The following DPP4 variants were observed in gnomAD, a reference collection of about 807,000 sequenced individuals.
DPP4 encodes the protein dipeptidyl peptidase 4.
A neutral mutation model predicts 122.4 loss-of-function variants in DPP4; 93 were observed. That is an observed-to-expected ratio of 0.76 (90% CI 0.64 to 0.90). The LOEUF (loss-of-function observed/expected upper bound fraction) is 0.90. Among genes scored for constraint, DPP4 ranks in the 40% least tolerant of loss-of-function variants. The pLI, the probability that DPP4 is intolerant of heterozygous loss-of-function variation, is 0.00. For missense variants in DPP4, 914 were observed against 907.3 expected (o/e 1.01, Z -0.09); for synonymous variants, 321 against 302.9 (o/e 1.06, Z -0.62).
Position 161,995,313 on chromosome 2 carries a change from A to G in DPP4, c.2112T>C (p.His704=), listed in dbSNP as rs926037556. The G allele has an allele frequency of 1.2e-6, 2 of 1,613,886 alleles. No homozygotes were observed. The highest frequency in any genetic ancestry group is 1.7e-6 in the Non-Finnish European group (2 of 1,179,876). Residue 704 remains histidine (H), a synonymous_variant, in exon 24 of 26, where the codon CAT becomes CAC. Coordinates refer to ENST00000360534, the MANE Select transcript of DPP4 (RefSeq NM_001935.4). ...NFKQVEYLLI[H]GTADDNVHFQ... ...ACTGAAACTCACCATCTGCTGTTCC[A>G]TGAATAAGGAGGTACTCAACTTGTT...
In DPP4 at chr2:161,995,464, T is replaced by C; in HGVS notation, c.2053-92A>G. ...GTTTACAAAATAAAATGTTTTCAGCTGGGGCCCCCTTTGATACAAAATATA... is the reference window on the plus strand; with the variant it reads ...GTTTACAAAATAAAATGTTTTCAGCCGGGGCCCCCTTTGATACAAAATATA... On this transcript the variant is annotated intron_variant, in intron 23 of 25. Coordinates refer to ENST00000360534, the MANE Select transcript of DPP4 (RefSeq NM_001935.4). The C allele has an allele frequency of 3.3e-6, 4 of 1,230,406 alleles. No homozygotes were observed. In the South Asian group the frequency reaches 3.7e-5, roughly 11 times the overall value. 76.2% of individuals were successfully genotyped at this position (1,230,406 alleles called of 1,614,324 possible).
chr2:162,041,053 C>T (rs1003613773), intron 5 of DPP4, among the ~76,000 whole-genome samples: 1 of 140,106 alleles, frequency 7.1e-6, no homozygotes, highest in Non-Finnish European at 1.6e-5. Flanking sequence ...TAACTAAAAA[C>T]ATCCCTATAT....
Position 162,038,289 on chromosome 2 carries a change from T to C in DPP4, c.613+13A>G. 6.5e-7 allele frequency: 1 copy of C among 1,537,132 alleles called. No homozygotes were observed. The highest frequency in any genetic ancestry group is 8.7e-7 in the Non-Finnish European group (1 of 1,147,964). ...ATAGATTTTCTGATTTGAAAAAGCTTTAAAGTTTCTACCTTCATAAACCCA... is the reference window on the plus strand; with the variant it reads ...ATAGATTTTCTGATTTGAAAAAGCTCTAAAGTTTCTACCTTCATAAACCCA... On this transcript the variant is annotated intron_variant, in intron 8 of 25. Coordinates refer to ENST00000360534, the MANE Select transcript of DPP4 (RefSeq NM_001935.4).
At position 162,020,474 on chromosome 2, in the gene DPP4, T is replaced by C. The variant is rs190238286; in HGVS notation, c.1176+107A>G. On this transcript the variant is annotated intron_variant, in intron 13 of 25. Transcript: ENST00000360534. ...CACCACTGAGGAGTTTAAATTAATC[T>C]GATTTTTATACACATTGATCCACCT... 2.0e-4 allele frequency: 210 copies of C among 1,051,294 alleles called. 1 individual carries two copies. Among genetic ancestry groups the C allele is most frequent in the Non-Finnish European group, 2.7e-4 (198 of 730,730 alleles). 65.1% of individuals were successfully genotyped at this position (1,051,294 alleles called of 1,614,324 possible).
chr2:162,008,117 G>GA lies in DPP4; in HGVS notation c.1987+444dup, dbSNP rs1231137791. The stretch of plus-strand genomic sequence containing the variant: ...AGAGTAGCTTTCACCTATTAAGAAT[G>GA]AAAAAAAACAACAACCCCCCAATGG... On this transcript the variant is annotated intron_variant, in intron 22 of 25. Transcript: ENST00000360534. 2.6e-5 allele frequency among the ~76,000 whole-genome samples: 4 copies of GA among 151,544 alleles called. No homozygotes were observed. In the East Asian group the frequency reaches 5.9e-4, roughly 22 times the overall value.
At chr2:162,016,688 A>C in intron 18 of DPP4, 80 bp downstream of exon 18, 1 of 878,536 alleles carries the variant, frequency 1.1e-6, no homozygotes, top group Non-Finnish European at 1.7e-6. Flanking sequence ...TATGAAATAC[A>C]TATTTTCAGA....
At chr2:162,051,016 T>A (rs1684364665) in intron 2 of DPP4, among the ~76,000 whole-genome samples, 1 of 152,212 alleles carries the variant, frequency 6.6e-6, no homozygotes, top group Non-Finnish European at 1.5e-5. Context: ...TAATCATATG[T>A]TACCCATCAG....
chr2:161,993,566 T>C (rs1254879872), intron 25 of DPP4, among the ~76,000 whole-genome samples, 182 bp from the exon 26 acceptor site: 2 of 152,214 alleles, frequency 1.3e-5, no homozygotes, highest in African/African-American at 4.8e-5. Context: ...CCCCAGAGCT[T>C]TTCCAGGGCA....
intron 23 of DPP4, among the ~76,000 whole-genome samples, chr2:162,002,430 A>C (rs1178549379): frequency 2.0e-5 from 3 of 152,228 alleles, no homozygotes; most frequent in African/African-American, 4.8e-5. Context: ...GCCACGTATC[A>C]GTGGCTATTT....
intron 23 of DPP4, among the ~76,000 whole-genome samples, chr2:161,995,688 G>A (rs1275888292): frequency 6.6e-6 from 1 of 152,210 alleles, no homozygotes; most frequent in South Asian, 2.1e-4. Context: ...CATTAGCACA[G>A]GGCAGAGTCT....
intron 10 of DPP4, among the ~76,000 whole-genome samples, chr2:162,030,695 G>A (rs934884895): frequency 3.9e-5 from 6 of 152,036 alleles, no homozygotes; most frequent in Non-Finnish European, 7.4e-5. Context: ...TAGAAAAACC[G>A]CAACCTTACC....
intron 23 of DPP4, among the ~76,000 whole-genome samples, chr2:161,996,185 C>T (rs537128872): frequency 6.6e-6 from 1 of 152,278 alleles, no homozygotes; most frequent in African/African-American, 2.4e-5. Flanking sequence ...TTGAAATCAT[C>T]TAAAGCTGGT....
At chr2:162,019,820 T>C (rs1201627336) in intron 14 of DPP4, among the ~76,000 whole-genome samples, 1 of 152,224 alleles carries the variant, frequency 6.6e-6, no homozygotes, top group Non-Finnish European at 1.5e-5. Flanking sequence ...AACTCATATA[T>C]GGCAGTTAGC....
At chr2:162,044,269 G>C (rs1427064260) in intron 5 of DPP4, among the ~76,000 whole-genome samples, 1 of 152,146 alleles carries the variant, frequency 6.6e-6, no homozygotes, top group African/African-American at 2.4e-5. Flanking sequence ...ACAGAACATA[G>C]AGTCTTCATG....
intron 2 of DPP4, among the ~76,000 whole-genome samples, chr2:162,060,561 C>T (rs1392949195): frequency 1.3e-5 from 2 of 152,136 alleles, no homozygotes; most frequent in African/African-American, 4.8e-5. Flanking sequence ...TTATACAATG[C>T]TGAACAACTC....
chr2:162,005,788 T>C lies in DPP4; in HGVS notation c.2009A>G (p.Tyr670Cys). Residue 670 changes from tyrosine to cysteine, a missense_variant, in exon 23 of 26, where the codon TAC becomes TGC. Physicochemically the swap from Tyr to Cys is radical, Grantham distance 194. Coordinates refer to ENST00000360534, the MANE Select transcript of DPP4 (RefSeq NM_001935.4). ...EYYDSVYTER[Y>C]MGLPTPEDNL... The stretch of plus-strand genomic sequence containing the variant: ...GTCTTCTGGAGTTGGGAGACCCATG[T>C]AACGTTCTGTGTACACTGAGTCTGT... 6.2e-7 allele frequency: 1 copy of C among 1,613,076 alleles called. No homozygotes were observed. Among genetic ancestry groups the C allele is most frequent in the Non-Finnish European group, 8.5e-7 (1 of 1,179,526 alleles).
At chr2:162,000,062 C>T (rs1328973667) in intron 23 of DPP4, among the ~76,000 whole-genome samples, 2 of 152,138 alleles carry the variant, frequency 1.3e-5, no homozygotes, top group African/African-American at 2.4e-5. Context: ...TCTACTGGCA[C>T]TTGACATCAC....
chr2:162,010,242 C>T (rs987001568), intron 20 of DPP4, among the ~76,000 whole-genome samples: 4 of 152,170 alleles, frequency 2.6e-5, no homozygotes, highest in African/African-American at 7.2e-5. Flanking sequence ...TCAACCTTTA[C>T]AAAGTGAATG....
intron 18 of DPP4, among the ~76,000 whole-genome samples, chr2:162,016,161 C>T (rs1426862496): frequency 6.6e-6 from 1 of 151,968 alleles, no homozygotes; most frequent in Non-Finnish European, 1.5e-5. Flanking sequence ...TAACAGATTC[C>T]TCCCTCCCCT....
Sources: gnomAD v4.1 joint callset for allele counts (sites outside exome capture counted in the v4.1 genomes callset) on GRCh38, gnomAD v4.1.1 for gene constraint, MANE v1.5 for transcripts, NCBI Gene and HGNC (gene_info 2026-07-23, HGNC 2026-07-21) for gene names.